Variants in VPS13D observed in about 807,000 individuals in gnomAD.
The protein encoded by VPS13D is vacuolar protein sorting 13 homolog D.
Under a neutral mutation model 461.9 loss-of-function variants are expected in VPS13D, and 187 were observed. That is an observed-to-expected ratio of 0.40 (90% CI 0.36 to 0.46). The LOEUF (loss-of-function observed/expected upper bound fraction) is 0.46. Among genes scored for constraint, VPS13D ranks in the 20% least tolerant of loss-of-function variants. VPS13D has a pLI of 0.60. For synonymous variants in VPS13D, 1,951 were observed against 1,986.3 expected (o/e 0.98, Z 0.47); for missense variants, 4,711 against 5,364.9 (o/e 0.88, Z 3.81).
At chr1:12,335,596 G>A in intron 38 of VPS13D, 109 bp from the exon 39 acceptor site, 4 of 1,384,360 alleles carry the variant, frequency 2.9e-6, no homozygotes, top group Non-Finnish European at 2.0e-6. Context: ...CACAGGCCAG[G>A]CATGTAATGA....
At chr1:12,285,983 C>CTTTCT (rs1461049421) in intron 21 of VPS13D, among the ~76,000 whole-genome samples, 19 of 93,468 alleles carry the variant, frequency 2.0e-4, no homozygotes, top group African/African-American at 7.1e-4. Context: ...CTTTCCTTTC[C>CTTTCT]TTTCCTTTCC....
chr1:12,355,465 T>G (rs1294351600), intron 47 of VPS13D, among the ~76,000 whole-genome samples: 5 of 152,194 alleles, frequency 3.3e-5, no homozygotes, highest in Admixed American at 1.3e-4. Flanking sequence ...ATGTTTGAGA[T>G]GATGAAAATG....
At chr1:12,270,626 C>A (rs957000020) in intron 16 of VPS13D, among the ~76,000 whole-genome samples, 1 of 152,212 alleles carries the variant, frequency 6.6e-6, no homozygotes, top group South Asian at 2.1e-4. Flanking sequence ...CCTCTCCCCC[C>A]ATGGCTGTCC....
rs995615620 is a variant in VPS13D at position 12,317,113 on chromosome 1, A to G, written c.7149-959A>G. On this transcript the variant is annotated intron_variant, in intron 30 of 69. Transcript: ENST00000620676. ...GATCTGGGCTGTCAGGTCAGTTTCAATTAGAGAAACAATCTAGTACTAGTG... is the reference window on the plus strand; with the variant it reads ...GATCTGGGCTGTCAGGTCAGTTTCAGTTAGAGAAACAATCTAGTACTAGTG... 7.3e-5 allele frequency among the ~76,000 whole-genome samples: 11 copies of G among 151,408 alleles called. No individual in the cohort carries two copies. In the East Asian group the frequency reaches 7.8e-4, roughly 11 times the overall value.
chr1:12,471,336 A>G (rs1645559956), intron 67 of VPS13D, among the ~76,000 whole-genome samples: 1 of 152,202 alleles, frequency 6.6e-6, no homozygotes, highest in South Asian at 2.1e-4. Context: ...AAAACCTGTT[A>G]TTTTTACCTG....
intron 27 of VPS13D, among the ~76,000 whole-genome samples, chr1:12,309,176 T>G (rs1642658446): frequency 6.6e-6 from 1 of 151,960 alleles, no homozygotes; most frequent in South Asian, 2.1e-4. Flanking sequence ...GTTAAGCACA[T>G]GATTCTAATT....
chr1:12,369,422 C>T (rs1644086435), intron 53 of VPS13D, 45 bp from the exon 54 acceptor site: 1 of 1,574,566 alleles, frequency 6.4e-7, no homozygotes, highest in Non-Finnish European at 8.7e-7. Context: ...TCAGTAACCC[C>T]ACTCTGAATG....
rs1643437238 is a variant in VPS13D at position 12,335,831 on chromosome 1, A to G, written c.8551+4A>G. 2 of 1,614,004 alleles carry G rather than the reference A, an allele frequency of 1.2e-6. No individual in the cohort carries two copies. The highest frequency in any genetic ancestry group is 1.7e-6 in the Non-Finnish European group (2 of 1,179,970). ...GATCCTCCATGTTTTGGACAAAGTA[A>G]GAGTTTTCACTACATGTGTTTAACT... On this transcript the variant is annotated splice_donor_region_variant and intron_variant, in intron 39 of 69. Transcript: ENST00000620676.
intron 63 of VPS13D, among the ~76,000 whole-genome samples, chr1:12,405,448 A>G (rs1287626461): frequency 1.3e-5 from 2 of 152,158 alleles, no homozygotes; most frequent in African/African-American, 4.8e-5. Context: ...GGTCAACATC[A>G]GATCACATTT....
At chr1:12,342,064 G>A (rs1643581335) in intron 41 of VPS13D, among the ~76,000 whole-genome samples, 179 bp downstream of exon 41, 1 of 152,192 alleles carries the variant, frequency 6.6e-6, no homozygotes, top group South Asian at 2.1e-4. Context: ...TCTATAGTCA[G>A]AGAAGCAGGT....
At chr1:12,406,195 C>T (rs1030385204) in intron 63 of VPS13D, among the ~76,000 whole-genome samples, 2 of 152,142 alleles carry the variant, frequency 1.3e-5, no homozygotes, top group Non-Finnish European at 2.9e-5. Context: ...GTTAAATTCT[C>T]AGCTTGTGGG....
At chr1:12,311,780 A>G in intron 28 of VPS13D, 33 bp from the exon 29 acceptor site, 2 of 1,598,742 alleles carry the variant, frequency 1.3e-6, no homozygotes, top group Non-Finnish European at 1.7e-6. Flanking sequence ...TGGCATCATC[A>G]GCTGTGGATT....
intron 2 of VPS13D, among the ~76,000 whole-genome samples, chr1:12,238,260 T>C (rs1424936493): frequency 8.1e-6 from 1 of 123,934 alleles, no homozygotes; most frequent in East Asian, 2.4e-4. Context: ...ATACTTGTAA[T>C]CCCCCAAAAT....
chr1:12,356,370 G>T, intron 48 of VPS13D, 28 bp from the exon 49 acceptor site: 1 of 1,602,982 alleles, frequency 6.2e-7, no homozygotes, highest in Non-Finnish European at 8.5e-7. Flanking sequence ...GGGTGGTATT[G>T]ATGTAAACTT....
intron 64 of VPS13D, among the ~76,000 whole-genome samples, chr1:12,416,122 G>A (rs952566942): frequency 9.2e-5 from 14 of 152,210 alleles, no homozygotes; most frequent in African/African-American, 3.1e-4. Flanking sequence ...GGTCAAGGCT[G>A]CAGTGAGCCA....
chr1:12,431,484 A>G (rs1403968274), intron 65 of VPS13D, among the ~76,000 whole-genome samples: 1 of 150,668 alleles, frequency 6.6e-6, no homozygotes, highest in African/African-American at 2.4e-5. Flanking sequence ...CTGGGCCGGC[A>G]GCTTGTGGGC....
At position 12,271,133 on chromosome 1, in the gene VPS13D, G is replaced by A. The variant is rs1459760382; in HGVS notation, c.2103+9G>A. ...TAGTGGGTGATTTCATTGTAAGTGG[G>A]CATCCATAAACACTCTTTGGGGATT... On this transcript the variant is annotated intron_variant, in intron 17 of 69. Transcript: ENST00000620676. 1.9e-6 allele frequency: 3 copies of A among 1,613,786 alleles called. No individual in the cohort carries two copies. The highest frequency in any genetic ancestry group is 3.3e-5 in the Admixed American group (2 of 60,000).
At position 12,341,282 on chromosome 1, in the gene VPS13D, T is replaced by C. The variant is rs143982125; in HGVS notation, c.8627-498T>C. Among the ~76,000 whole-genome samples the C allele has an allele frequency of 2.4e-4, 37 of 152,356 alleles. 1 individual carries two copies. In the East Asian group the frequency reaches 6.9e-3, roughly 29 times the overall value. ...CTTTCCAGGGAGACAAAAACAACTA[T>C]TAGTATAAAAGAATAGGAAAGAATG... On this transcript the variant is annotated intron_variant, in intron 40 of 69. Transcript: ENST00000620676.
rs749415637 is a variant in VPS13D, at chr1:12,505,277, G to A, written c.12795-1576G>A. 2.6e-5 allele frequency among the ~76,000 whole-genome samples: 4 copies of A among 152,048 alleles called. No homozygotes were observed. Among genetic ancestry groups the A allele is most frequent in the African/African-American group, 4.8e-5 (2 of 41,380 alleles). ...TTCCCTGTGCCCTCCTTTCTTCCCC[G>A]GACCAGCTATTTCAGATTCCATTCA... On this transcript the variant is annotated intron_variant, in intron 68 of 69. Coordinates refer to ENST00000620676, the MANE Select transcript of VPS13D (RefSeq NM_015378.4). The surrounding 1 kb of genome is among the most constrained non-coding windows in gnomAD (Gnocchi z 4.2).
Sources: gnomAD v4.1 joint callset for allele counts (sites outside exome capture counted in the v4.1 genomes callset) on GRCh38, gnomAD v4.1.1 for gene constraint, Gnocchi (gnomAD v3.1) non-coding constraint, MANE v1.5 for transcripts, NCBI Gene and HGNC (gene_info 2026-07-23, HGNC 2026-07-21) for gene names.